Variants in CFH observed in about 807,000 individuals in gnomAD.
CFH encodes complement factor H.
A neutral mutation model predicts 147.3 loss-of-function variants in CFH; 53 were observed. The observed-to-expected ratio is 0.36, with a 90% CI of 0.29 to 0.45. The LOEUF is 0.45. Ranked by LOEUF, CFH falls within the 20% of genes least tolerant of loss-of-function variation. The pLI, the probability that CFH is intolerant of heterozygous loss-of-function variation, is 1.00. For synonymous variants in CFH, 536 were observed against 489.4 expected (o/e 1.10, Z -1.26); for missense variants, 1,380 against 1,498.0 (o/e 0.92, Z 1.30).
Position 196,685,091 on chromosome 1 carries a change from C to A in CFH, c.818C>A (p.Pro273Gln). ...AAATCATGTGATAATCCTTATATTCCAAATGGTGACTACTCACCTTTAAGG... is the reference window on the plus strand; with the variant it reads ...AAATCATGTGATAATCCTTATATTCAAAATGGTGACTACTCACCTTTAAGG... ...EEKSCDNPYI[P>Q]NGDYSPLRIK... Residue 273 changes from proline (P) to glutamine (Q), a missense_variant, in exon 7 of 22, where the codon CCA (proline) becomes CAA (glutamine). Physicochemically the swap from Pro to Gln is moderately conservative, Grantham distance 76. Around this residue, in one of 4 missense-constraint regions of CFH, gnomAD observed 167 missense variants for 228.0 expected, o/e 0.73. Transcript: ENST00000367429. 6.2e-7 allele frequency: 1 copy of A among 1,610,248 alleles called. No individual in the cohort carries two copies. The highest frequency in any genetic ancestry group is 8.5e-7 in the Non-Finnish European group (1 of 1,177,020).
Position 196,654,606 on chromosome 1 carries a change from G to A in CFH, c.58+2431G>A, listed in dbSNP as rs184042882. Reference sequence around the variant, plus strand: ...ATATTATGACCAAGCAGATTTTTTAGATTTAGGGTCTAACAATTGTGTACT... The same window carrying A: ...ATATTATGACCAAGCAGATTTTTTAAATTTAGGGTCTAACAATTGTGTACT... On this transcript the variant is annotated intron_variant, in intron 1 of 21. Transcript: ENST00000367429. Among the ~76,000 whole-genome samples the A allele has an allele frequency of 2.7e-3, 417 of 152,176 alleles. 3 individuals carry two copies. The highest frequency in any genetic ancestry group is 9.7e-3 in the African/African-American group (403 of 41,542).
chr1:196,662,472 T>G (rs1666941754), intron 1 of CFH, among the ~76,000 whole-genome samples: 1 of 152,066 alleles, frequency 6.6e-6, no homozygotes, highest in Non-Finnish European at 1.5e-5. Context: ...ACCATTTTCT[T>G]TGTTTTTCAT....
At chr1:196,662,401 A>C (rs945034689) in intron 1 of CFH, among the ~76,000 whole-genome samples, 1 of 152,216 alleles carries the variant, frequency 6.6e-6, no homozygotes, top group African/African-American at 2.4e-5. Flanking sequence ...ATTTAAAACC[A>C]TGTAAGGTAA....
At chr1:196,681,482 A>ACC (rs1281245296) in intron 6 of CFH, among the ~76,000 whole-genome samples, 2 of 151,380 alleles carry the variant, frequency 1.3e-5, no homozygotes, top group Non-Finnish European at 3.0e-5. Context: ...ACACACACAC[A>ACC]CACACACACA....
chr1:196,714,658 TATATATATATAGAGAGAG>T (rs1219757933), intron 10 of CFH, among the ~76,000 whole-genome samples: 95 of 47,438 alleles, frequency 2.0e-3, no homozygotes, highest in East Asian at 0.017. Context: ...TATATATATA[TATATATATATAGAGAGAG>T]AGAGAGAGAG....
At chr1:196,737,423 A>C in intron 16 of CFH, 52 bp from the exon 17 acceptor site, 1 of 1,250,276 alleles carries the variant, frequency 8.0e-7, no homozygotes, top group South Asian at 1.3e-5. Flanking sequence ...TTTATATTTC[A>C]ATTTAAGTAT....
chr1:196,739,305 A>C (rs904109151), intron 17 of CFH, among the ~76,000 whole-genome samples: 1 of 152,068 alleles, frequency 6.6e-6, no homozygotes, highest in African/African-American at 2.4e-5. Flanking sequence ...GCAGGCTTGA[A>C]TTTCTCCCCA....
chr1:196,728,739 A>G lies in CFH; in HGVS notation c.2413+217A>G, dbSNP rs968514248. Among the ~76,000 whole-genome samples, 20 of 150,368 alleles carry G rather than the reference A, an allele frequency of 1.3e-4. No individual in the cohort carries two copies. In the East Asian group the frequency reaches 1.4e-3, roughly 10 times the overall value. On this transcript the variant is annotated intron_variant, in intron 15 of 21. Transcript: ENST00000367429. The stretch of plus-strand genomic sequence containing the variant: ...AACACACACACACACACACGCACAC[A>G]CACACACACACACACACACATAAAC...
chr1:196,698,045 C>T (rs1427138187), intron 9 of CFH, among the ~76,000 whole-genome samples: 3 of 150,846 alleles, frequency 2.0e-5, no homozygotes, highest in African/African-American at 4.9e-5. Context: ...AGGAGATATA[C>T]CTAATGTTAA....
At chr1:196,679,892 A>G (rs1367246119) in intron 6 of CFH, 99 bp downstream of exon 6, 7 of 1,050,826 alleles carry the variant, frequency 6.7e-6, no homozygotes, top group Middle Eastern at 3.1e-4. Context: ...GTAGAGTGCT[A>G]ATTTATGTAA....
intron 3 of CFH, among the ~76,000 whole-genome samples, chr1:196,674,497 A>G (rs1667389516): frequency 6.6e-6 from 1 of 152,138 alleles, no homozygotes; most frequent in Non-Finnish European, 1.5e-5. Context: ...CTTCTAACCA[A>G]CTACTGGGTT....
In CFH at chr1:196,746,579, A is replaced by T. The variant is rs527720478; in HGVS notation, c.3494-532A>T. Among the ~76,000 whole-genome samples, 11 of 152,348 alleles carry T rather than the reference A, an allele frequency of 7.2e-5. No homozygotes were observed. In the East Asian group the frequency reaches 2.1e-3, roughly 29 times the overall value. On this transcript the variant is annotated intron_variant, in intron 21 of 21. Transcript: ENST00000367429. ...GTTTTGATATATTTATGCTACAAAG[A>T]TTACCACAAATTAATTAGCACATTC...
chr1:196,720,881 T>C (rs1668981994), intron 11 of CFH, among the ~76,000 whole-genome samples: 1 of 151,852 alleles, frequency 6.6e-6, no homozygotes, highest in Admixed American at 6.6e-5. Flanking sequence ...AAATGTCCAT[T>C]CTGTTTTCCA....
chr1:196,679,971 TAC>T (rs2149082226), intron 6 of CFH, among the ~76,000 whole-genome samples, 178 bp downstream of exon 6: 1 of 152,032 alleles, frequency 6.6e-6, no homozygotes, highest in East Asian at 1.9e-4. Flanking sequence ...CTTCGTACGA[TAC>T]ACACACTCTG....
intron 1 of CFH, among the ~76,000 whole-genome samples, chr1:196,658,949 T>G (rs1393186085): frequency 1.3e-5 from 2 of 152,230 alleles, no homozygotes; most frequent in Non-Finnish European, 2.9e-5. Flanking sequence ...CAAAATTAAC[T>G]GGCAATTAAA....
Position 196,736,868 on chromosome 1 carries a change from T to C in CFH, c.2458T>C (p.Ser820Pro). Residue 820 changes from serine to proline, a missense_variant, in exon 16 of 22, where the codon TCT (serine) becomes CCT (proline). Physicochemically the swap from Ser to Pro is moderately conservative, Grantham distance 74 (BLOSUM62 -1). This residue lies in a region of CFH where 830 missense variants were observed against 821.4 expected (regional missense o/e 1.01). Coordinates refer to ENST00000367429, the MANE Select transcript of CFH (RefSeq NM_000186.4). ...LCPPPPQIPN[S>P]HNMTTTLNYR... ...CCCACCTCCACCTCAGATTCCCAAT[T>C]CTCACAATATGACAACCACACTGAA... 6.3e-7 allele frequency: 1 copy of C among 1,579,794 alleles called. No individual in the cohort carries two copies. Among genetic ancestry groups the C allele is most frequent in the Non-Finnish European group, 8.6e-7 (1 of 1,161,346 alleles).
intron 9 of CFH, among the ~76,000 whole-genome samples, chr1:196,697,116 T>C (rs375425367): frequency 5.9e-5 from 9 of 152,164 alleles, no homozygotes; most frequent in Non-Finnish European, 1.0e-4. Flanking sequence ...ATGTCTAAAA[T>C]ACCAAAAGCA....
intron 9 of CFH, among the ~76,000 whole-genome samples, chr1:196,703,583 G>A (rs1473452617): frequency 6.6e-6 from 1 of 152,038 alleles, no homozygotes; most frequent in Non-Finnish European, 1.5e-5. Context: ...AATATCTGGT[G>A]GTCTAAACTT....
At chr1:196,673,348 G>A (rs945417593) in intron 2 of CFH, 185 bp downstream of exon 2, 50 of 602,454 alleles carry the variant, frequency 8.3e-5, no homozygotes, top group Middle Eastern at 4.5e-4. Context: ...GTGCAGTGGC[G>A]CAATTTTGAG....
Sources: gnomAD v4.1 joint callset for allele counts (sites outside exome capture counted in the v4.1 genomes callset) on GRCh38, gnomAD v4.1.1 for gene constraint, gnomAD v4.1.1 regional missense constraint, MANE v1.5 for transcripts, NCBI Gene and HGNC (gene_info 2026-07-23, HGNC 2026-07-21) for gene names.